TP53BP1: variants seen among roughly 807,000 people sequenced by gnomAD.
The protein encoded by TP53BP1 is tumor protein p53 binding protein 1, also known as TP53-binding protein 1.
TP53BP1 carries 61 observed loss-of-function variants against 200.8 expected under a neutral mutation model. The observed-to-expected ratio is 0.30, with a 90% confidence interval of 0.25 to 0.38. The LOEUF is 0.38. Ranked by LOEUF, TP53BP1 falls within the 10% of genes least tolerant of loss-of-function variation. The pLI is 1.00. For missense variants in TP53BP1, 2,144 were observed against 2,371.9 expected, an observed-to-expected ratio of 0.90 and a Z score of 2.00; for synonymous variants, 822 against 844.3, an observed-to-expected ratio of 0.97 and a Z score of 0.46.
intron 24 of TP53BP1, among the ~76,000 whole-genome samples, chr15:43,410,417 G>A (rs1185384513): frequency 6.6e-6 from 1 of 152,088 alleles, no homozygotes; most frequent in Non-Finnish European, 1.5e-5. Context: ...CTATAGTCTT[G>A]AGAGTGAAGT....
intron 21 of TP53BP1, chr15:43,416,964 G>A (rs2045279920): frequency 6.6e-6 from 1 of 152,260 alleles, no homozygotes; most frequent in Non-Finnish European, 1.5e-5. Flanking sequence ...TTCCTGCTCT[G>A]ATTCAAAACC....
intron 18 of TP53BP1, among the ~76,000 whole-genome samples, chr15:43,427,609 G>A (rs963849038): frequency 1.3e-5 from 2 of 152,178 alleles, no homozygotes; most frequent in Non-Finnish European, 2.9e-5. Flanking sequence ...GAAAAACAAA[G>A]TGTTGCACAG....
At chr15:43,503,445 G>A (rs1433954955) in intron 1 of TP53BP1, among the ~76,000 whole-genome samples, 1 of 152,186 alleles carries the variant, frequency 6.6e-6, no homozygotes, top group Non-Finnish European at 1.5e-5. Flanking sequence ...ATTACCTGAT[G>A]TCAGGATTTC....
intron 12 of TP53BP1, among the ~76,000 whole-genome samples, chr15:43,450,844 T>C (rs2046149306): frequency 2.3e-5 from 2 of 86,722 alleles, no homozygotes; most frequent in South Asian, 3.7e-4. Flanking sequence ...TTGTATTGTT[T>C]GAATGTTTTT....
At chr15:43,427,291 C>T (rs1181986204) in intron 18 of TP53BP1, among the ~76,000 whole-genome samples, 1 of 152,124 alleles carries the variant, frequency 6.6e-6, no homozygotes, top group Non-Finnish European at 1.5e-5. Flanking sequence ...AGGTCTATGA[C>T]CACACACAGA....
At chr15:43,439,451 G>T (rs1049199837) in intron 15 of TP53BP1, among the ~76,000 whole-genome samples, 1 of 152,140 alleles carries the variant, frequency 6.6e-6, no homozygotes, top group African/African-American at 2.4e-5. Flanking sequence ...CAGGAGGATC[G>T]CTTGAGCCTG....
intron 1 of TP53BP1, among the ~76,000 whole-genome samples, chr15:43,500,857 A>G (rs917503630): frequency 1.3e-5 from 2 of 151,916 alleles, no homozygotes; most frequent in African/African-American, 4.8e-5. Context: ...TATTTTAAAC[A>G]TAAGAACACC....
At position 43,493,138 on chromosome 15, in the gene TP53BP1, C is replaced by T; in HGVS notation, c.-95G>A. ...CCTAGGTCGCCGCTGTCGCCACCGC[C>T]GCCACCGGCCGCGAACTCCCCCTTT... On this transcript the variant is annotated 5_prime_UTR_variant, in exon 1 of 28. Coordinates refer to ENST00000382044, the MANE Select transcript of TP53BP1 (RefSeq NM_001141980.3). 1.3e-6 allele frequency: 2 copies of T among 1,578,002 alleles called. No homozygotes were observed. The highest frequency in any genetic ancestry group is 1.1e-5 in the South Asian group (1 of 87,718).
Position 43,456,658 on chromosome 15 carries a change from C to G in TP53BP1, c.1950G>C (p.Glu650Asp), listed in dbSNP as rs761795960. The change falls in exon 12 of 28, where the codon GAG (glutamate) becomes GAC (aspartate). Residue 650 changes from glutamate (E) to aspartate (D), a missense_variant. Glu to Asp is a conservative substitution (Grantham distance 45). Transcript: ENST00000382044. ...SEALSSVLDQ[E>D]EAMEIKEHHP... ...GGTGTTCTTTAATTTCCATAGCTTC[C>G]TCCTGATCTAACACACTAGAAAGTG... 6.2e-7 allele frequency: 1 copy of G among 1,614,028 alleles called. No individual in the cohort carries two copies. Among genetic ancestry groups the G allele is most frequent in the Non-Finnish European group, 8.5e-7 (1 of 1,180,042 alleles).
chr15:43,501,030 T>TA (rs1037996254), intron 1 of TP53BP1, among the ~76,000 whole-genome samples: 11 of 152,082 alleles, frequency 7.2e-5, no homozygotes, highest in African/African-American at 2.4e-5. Flanking sequence ...ACAGTCTGTC[T>TA]AAAAAACACA....
rs1667124375 is a variant in TP53BP1, at chr15:43,421,028, G to A, written c.4247C>T (p.Thr1416Ile). The A allele has an allele frequency of 1.2e-6, 2 of 1,612,444 alleles. No homozygotes were observed. Among genetic ancestry groups the A allele is most frequent in the Non-Finnish European group, 1.7e-6 (2 of 1,179,424 alleles). The part of the protein sequence containing the change: ...RGRPPSRTTG[T>I]RETAVPGPLG... ...ATATCTTACACTACCCAGGTACCTG[G>A]TTCCAGTGGTCCGAGAAGGTGGGCG... is the stretch of plus-strand genomic sequence containing the variant. Residue 1416 changes from threonine (T) to isoleucine (I), a missense_variant, in exon 20 of 28, where the codon ACC becomes ATC. Coordinates refer to ENST00000382044, the MANE Select transcript of TP53BP1 (RefSeq NM_001141980.3).
intron 18 of TP53BP1, among the ~76,000 whole-genome samples, chr15:43,426,649 C>G (rs1335125800): frequency 6.6e-6 from 1 of 151,866 alleles, no homozygotes; most frequent in Non-Finnish European, 1.5e-5. Context: ...GAGTTTAACT[C>G]TCCCTGAGTA....
At chr15:43,478,003 G>A (rs1308307616) in intron 7 of TP53BP1, among the ~76,000 whole-genome samples, 1 of 152,102 alleles carries the variant, frequency 6.6e-6, no homozygotes, top group African/African-American at 2.4e-5. Flanking sequence ...GCTCAATACT[G>A]TGCTTCATGC....
chr15:43,409,274 A>G, intron 25 of TP53BP1, 178 bp from the exon 26 acceptor site: 1 of 624,696 alleles, frequency 1.6e-6, no homozygotes, highest in Non-Finnish European at 2.8e-6. Context: ...TAATTTCCAT[A>G]GATGTTCTCT....
intron 19 of TP53BP1, 34 bp downstream of exon 19, chr15:43,421,821 T>A: frequency 6.2e-7 from 1 of 1,611,620 alleles, no homozygotes; most frequent in Non-Finnish European, 8.5e-7. Context: ...CTGCCCCTGC[T>A]GTGGCTCTCT....
At chr15:43,493,301 G>T, upstream of TP53BP1, 2 of 1,209,376 alleles carry the variant, frequency 1.7e-6, no homozygotes, top group South Asian at 1.6e-5. Flanking sequence ...CGTTTCCATG[G>T]CAGCATGGAC....
chr15:43,458,943 T>C (rs957894935), intron 11 of TP53BP1, among the ~76,000 whole-genome samples: 2 of 152,164 alleles, frequency 1.3e-5, no homozygotes, highest in Admixed American at 6.6e-5. Context: ...CATTACTATA[T>C]AACCTAGGCA....
At chr15:43,467,844 C>T (rs956151288) in intron 11 of TP53BP1, among the ~76,000 whole-genome samples, 6 of 151,172 alleles carry the variant, frequency 4.0e-5, no homozygotes, top group Non-Finnish European at 5.9e-5. Flanking sequence ...AGTGCAGTGG[C>T]GCGATCTCAG....
upstream of TP53BP1, among the ~76,000 whole-genome samples, chr15:43,494,240 A>G (rs1014901572): frequency 1.3e-5 from 2 of 152,204 alleles, no homozygotes; most frequent in African/African-American, 4.8e-5. Flanking sequence ...TTTCTACCCC[A>G]GGCTCAGATT....
Sources: allele counts gnomAD v4.1 joint callset (sites outside exome capture counted in the v4.1 genomes callset), GRCh38; gene constraint gnomAD v4.1.1; transcripts MANE v1.5; gene names NCBI Gene and HGNC (gene_info 2026-07-23, HGNC 2026-07-21).